NCAPH2: variants seen among roughly 807,000 people sequenced by gnomAD.
NCAPH2 encodes condensin-2 complex subunit H2.
In NCAPH2, 56 loss-of-function variants were observed where a neutral mutation model predicts 88.6. The observed-to-expected ratio is 0.63, with a 90% confidence interval of 0.51 to 0.79. The LOEUF is 0.79. Among genes scored for constraint, NCAPH2 ranks in the 30% least tolerant of loss-of-function variants. The pLI is 0.00. For synonymous variants in NCAPH2, 378 were observed against 313.6 expected, an observed-to-expected ratio of 1.21 and a Z score of -2.17; for missense variants, 794 against 792.0, an observed-to-expected ratio of 1.00 and a Z score of -0.03.
intron 1 of NCAPH2, among the ~76,000 whole-genome samples, chr22:50,509,178 G>T (rs574934114): frequency 6.6e-6 from 1 of 152,018 alleles, no homozygotes; most frequent in South Asian, 2.1e-4. Flanking sequence ...TCAGGATGGG[G>T]CCTAGGTCAT....
In NCAPH2 at chr22:50,517,585, A is replaced by G. The variant is rs770819683; in HGVS notation, c.275A>G (p.Lys92Arg). 6 of 1,614,082 alleles carry G rather than the reference A, an allele frequency of 3.7e-6. No homozygotes were observed. Among genetic ancestry groups the G allele is most frequent in the East Asian group, 2.2e-5 (1 of 44,884 alleles). The change falls in exon 4 of 20, where the codon AAG becomes AGG. Residue 92 changes from lysine to arginine, a missense_variant. Lys to Arg is a conservative substitution (Grantham distance 26). Coordinates refer to ENST00000420993, the MANE Select transcript of NCAPH2 (RefSeq NM_152299.4). ...ATGTGCTTCTCTCTCAGGCGGGCCA[A>G]GCAGCTCTCTTCGGTGCAGGAGGAC... ...LDFISGKRRAKQLSSVQEDRA... is the reference protein window; with the variant it reads ...LDFISGKRRARQLSSVQEDRA...
chr22:50,516,971 C>T (rs564374396), intron 2 of NCAPH2, among the ~76,000 whole-genome samples: 1 of 152,312 alleles, frequency 6.6e-6, no homozygotes, highest in South Asian at 2.1e-4. Context: ...TCCTGCAGGC[C>T]CCGTGGCGGC....
chr22:50,517,404 C>T lies in NCAPH2; in HGVS notation c.211-23C>T, dbSNP rs147758819. 7.9e-4 allele frequency: 1,276 copies of T among 1,613,788 alleles called. 9 individuals carry two copies. The Middle Eastern group carries it at 0.019, about 23-fold the overall frequency. Reference sequence around the variant, plus strand: ...GGTGGGCCCCTCCTTTCTGGGTCCTCACTGCCTGCATCTGGTCACCAGGTG... The same window carrying T: ...GGTGGGCCCCTCCTTTCTGGGTCCTTACTGCCTGCATCTGGTCACCAGGTG... On this transcript the variant is annotated intron_variant, in intron 2 of 19. Transcript: ENST00000420993.
In NCAPH2 at chr22:50,523,596, C is replaced by G; in HGVS notation, c.*221C>G. 6.2e-7 allele frequency: 1 copy of G among 1,612,432 alleles called. No individual in the cohort carries two copies. Among genetic ancestry groups the G allele is most frequent in the Non-Finnish European group, 8.5e-7 (1 of 1,179,736 alleles). ...AACGCAGCCCGTTTAATGATGGGGCCCAGACTGCAGTGGCTCAAGACAGGA... is the reference window on the plus strand; with the variant it reads ...AACGCAGCCCGTTTAATGATGGGGCGCAGACTGCAGTGGCTCAAGACAGGA... On this transcript the variant is annotated 3_prime_UTR_variant, in exon 20 of 20. Transcript: ENST00000420993.
chr22:50,523,496 T>C lies in NCAPH2; in HGVS notation c.*121T>C, dbSNP rs181091606. ...CATCTTCCCCCTAAAAACCCTTTTA[T>C]GTACACCTGCGCAGAGAAGAGGGCT... On this transcript the variant is annotated 3_prime_UTR_variant, in exon 20 of 20. Transcript: ENST00000420993. 15 of 1,539,246 alleles carry C rather than the reference T, an allele frequency of 9.7e-6. No individual in the cohort carries two copies. The highest frequency in any genetic ancestry group is 2.4e-5 in the East Asian group (1 of 41,062).
At position 50,509,143 on chromosome 22, in the gene NCAPH2, A is replaced by G. The variant is rs116491248; in HGVS notation, c.108+698A>G. On this transcript the variant is annotated intron_variant, in intron 1 of 19. Coordinates refer to ENST00000420993, the MANE Select transcript of NCAPH2 (RefSeq NM_152299.4). ...TTTCATTGCCTGATTTTTCTTTTCT[A>G]TCCAGTCTCTAAGTGTTGAGTTCCT... is the stretch of plus-strand genomic sequence containing the variant. Among the ~76,000 whole-genome samples, 843 of 151,980 alleles carry G rather than the reference A, an allele frequency of 5.5e-3. 10 individuals are homozygous for G. Among genetic ancestry groups the G allele is most frequent in the African/African-American group, 0.019 (808 of 41,440 alleles).
At chr22:50,512,990 G>A (rs564431467) in intron 1 of NCAPH2, among the ~76,000 whole-genome samples, 53 of 152,360 alleles carry the variant, frequency 3.5e-4, no homozygotes, top group African/African-American at 1.3e-3. Context: ...CCCCACTATG[G>A]TAGGACTTCC....
In NCAPH2 at chr22:50,522,837, C is replaced by T; in HGVS notation, c.1442C>T (p.Thr481Ile). The change falls in exon 18 of 20, where the codon ACC (threonine) becomes ATC (isoleucine). Residue 481 changes from threonine to isoleucine, a missense_variant. Coordinates refer to ENST00000420993, the MANE Select transcript of NCAPH2 (RefSeq NM_152299.4). ...VRRNVELFIA[T>I]SQKFVQETEL... The stretch of plus-strand genomic sequence containing the variant: ...CTCCCCTAGGAGCTCTTCATCGCCA[C>T]CTCCCAGAAGTTTGTCCAGGAGACA... 1 of 1,613,532 alleles carries T rather than the reference C, an allele frequency of 6.2e-7. No individual in the cohort carries two copies. Among genetic ancestry groups the T allele is most frequent in the Non-Finnish European group, 8.5e-7 (1 of 1,179,992 alleles).
At chr22:50,520,797 G>A (rs955235287) in intron 9 of NCAPH2, 168 bp from the exon 10 acceptor site, 15 of 655,658 alleles carry the variant, frequency 2.3e-5, no homozygotes, top group African/African-American at 3.7e-5. Context: ...TCTTGACCTC[G>A]GGTGATCTGC....
intron 1 of NCAPH2, among the ~76,000 whole-genome samples, chr22:50,508,891 C>T (rs916882354): frequency 6.6e-6 from 1 of 152,182 alleles, no homozygotes; most frequent in Non-Finnish European, 1.5e-5. Flanking sequence ...AGTGTTTCTT[C>T]CATGTTTGAC....
At chr22:50,514,359 G>A (rs998624301) in intron 1 of NCAPH2, among the ~76,000 whole-genome samples, 6 of 152,042 alleles carry the variant, frequency 3.9e-5, no homozygotes, top group African/African-American at 1.4e-4. Flanking sequence ...GAAAGGGGAG[G>A]TGGTGGGGCC....
intron 6 of NCAPH2, 22 bp downstream of exon 6, chr22:50,518,074 C>T (rs201292386): frequency 2.0e-5 from 32 of 1,613,456 alleles, no homozygotes; most frequent in East Asian, 8.9e-5. Context: ...AGCCCAGCGA[C>T]GGGGAGGGAG....
chr22:50,515,695 CTTT>C (rs131819), intron 1 of NCAPH2: 1,499 of 1,065,310 alleles, frequency 1.4e-3, no homozygotes, highest in African/African-American at 1.7e-3. Flanking sequence ...CGCACCCGGC[CTTT>C]TTTTTTTTTT....
chr22:50,521,907 G>T (rs990606181), intron 12 of NCAPH2, 59 bp downstream of exon 12: 2 of 1,613,384 alleles, frequency 1.2e-6, no homozygotes, highest in African/African-American at 2.7e-5. Flanking sequence ...GCCAGGGCCA[G>T]TGGAGGAGGA....
chr22:50,523,006 C>T lies in NCAPH2; in HGVS notation c.1528-11C>T. 1 of 1,605,026 alleles carries T rather than the reference C, an allele frequency of 6.2e-7. No individual in the cohort carries two copies. Among genetic ancestry groups the T allele is most frequent in the South Asian group, 1.1e-5 (1 of 90,494 alleles). ...CTCTCTCCGCAGCCAACATGCCCCT[C>T]CCCTGTGCAGGAGCAGCATGTGCCC... On this transcript the variant is annotated splice_polypyrimidine_tract_variant and intron_variant, in intron 18 of 19. Coordinates refer to ENST00000420993, the MANE Select transcript of NCAPH2 (RefSeq NM_152299.4).
chr22:50,518,393 G>A, intron 7 of NCAPH2, 115 bp downstream of exon 7: 1 of 1,445,006 alleles, frequency 6.9e-7, no homozygotes, highest in African/African-American at 1.4e-5. Context: ...CTGTCTCTGG[G>A]TGCCTGCTCT....
At position 50,522,838 on chromosome 22, in the gene NCAPH2, C is replaced by T; in HGVS notation, c.1443C>T (p.Thr481=). 6.2e-7 allele frequency: 1 copy of T among 1,613,484 alleles called. No homozygotes were observed. ...TCCCCTAGGAGCTCTTCATCGCCAC[C>T]TCCCAGAAGTTTGTCCAGGAGACAG... is the stretch of plus-strand genomic sequence containing the variant. ...VRRNVELFIA[T]SQKFVQETEL... Residue 481 remains threonine (T), a synonymous_variant, in exon 18 of 20, where the codon ACC becomes ACT. Transcript: ENST00000420993.
intron 1 of NCAPH2, among the ~76,000 whole-genome samples, chr22:50,515,141 C>T (rs572556475): frequency 1.3e-4 from 20 of 152,330 alleles, no homozygotes; most frequent in Admixed American, 2.0e-4. Context: ...ACTAAGGGAG[C>T]GGCACAGAGG....
chr22:50,515,764 G>A (rs1265748575), intron 1 of NCAPH2: 1 of 1,302,946 alleles, frequency 7.7e-7, no homozygotes, highest in Non-Finnish European at 1.0e-6. Context: ...CAGCGTTGGG[G>A]AAGATGTTGG....
Sources: allele counts gnomAD v4.1 joint callset (sites outside exome capture counted in the v4.1 genomes callset), GRCh38; gene constraint gnomAD v4.1.1; transcripts MANE v1.5; gene names NCBI Gene and HGNC (gene_info 2026-07-23, HGNC 2026-07-21).